KCNQ1OT1: variants seen among roughly 807,000 people sequenced by gnomAD.
The protein encoded by KCNQ1OT1 is KCNQ1 antisense RNA 2 (non-protein coding).
At chr11:2,637,470 C>G (rs1849491887) in exon 1 of KCNQ1OT1, 1 of 152,212 alleles carries the variant, frequency 6.6e-6, no homozygotes, top group Non-Finnish European at 1.5e-5. Context: ...GCAGGTGGTT[C>G]AGTTTCCATG....
chr11:2,684,431 C>A (rs970501673), exon 1 of KCNQ1OT1: 33 of 398,554 alleles, frequency 8.3e-5, no homozygotes, highest in African/African-American at 6.0e-4. Context: ...CCACCTCTTT[C>A]ATTTGAAAAC....
At chr11:2,665,533 C>T (rs1380345566) in exon 1 of KCNQ1OT1, 2 of 393,796 alleles carry the variant, frequency 5.1e-6, no homozygotes, top group Non-Finnish European at 8.9e-6. Context: ...TCTAGAATGC[C>T]CTTGTCACCC....
chr11:2,655,861 A>G, exon 1 of KCNQ1OT1: 1 of 398,528 alleles, frequency 2.5e-6, no homozygotes, highest in Non-Finnish European at 4.4e-6. Flanking sequence ...TGGAAAAACA[A>G]ATCTGTGGAG....
At chr11:2,665,919 C>A in exon 1 of KCNQ1OT1, 1 of 398,630 alleles carries the variant, frequency 2.5e-6, no homozygotes, top group East Asian at 3.6e-5. Flanking sequence ...CCAAGCAACC[C>A]TGGGAGGCTG....
At position 2,642,473 on chromosome 11, in the gene KCNQ1OT1, G is replaced by C; in HGVS notation, n.57522C>G. 2.5e-6 allele frequency: 1 copy of C among 397,946 alleles called. No individual in the cohort carries two copies. The highest frequency in any genetic ancestry group is 4.4e-6 in the Non-Finnish European group (1 of 225,728). The allele number at this position is 397,946 out of a possible 1,614,324, so 24.7% of individuals were successfully genotyped here. A position where few individuals can be genotyped will look rare whatever the true frequency, so the allele number is the denominator to read the frequency against. On this transcript the variant is annotated non_coding_transcript_exon_variant, in exon 1 of 1. Coordinates refer to ENST00000597346, the Ensembl canonical transcript of KCNQ1OT1. The surrounding 1 kb of genome is among the most constrained non-coding windows in gnomAD (Gnocchi z 4.3). ...GTAACTGTAATCAATTTATTGATCA[G>C]ACTGAAGAGTTTTGATTTTTGTATT...
At position 2,669,836 on chromosome 11, in the gene KCNQ1OT1, C is replaced by A; in HGVS notation, n.30159G>T. 2.5e-6 allele frequency: 1 copy of A among 398,546 alleles called. No homozygotes were observed. Among genetic ancestry groups the A allele is most frequent in the Non-Finnish European group, 4.4e-6 (1 of 226,088 alleles). The allele number at this position is 398,546 out of a possible 1,614,324, so 24.7% of individuals were successfully genotyped here. ...TTGAGACTGCCAGGTCATGAGTTAC[C>A]ATGGGATACAAATGGGGTCACAACA... On this transcript the variant is annotated non_coding_transcript_exon_variant, in exon 1 of 1. Coordinates refer to ENST00000597346, the Ensembl canonical transcript of KCNQ1OT1. This position sits in a 1 kb window ranked among gnomAD's most constrained non-coding sequence, Gnocchi z 5.6.
At chr11:2,672,484 C>G in exon 1 of KCNQ1OT1, 1 of 398,664 alleles carries the variant, frequency 2.5e-6, no homozygotes, top group Non-Finnish European at 4.4e-6. Context: ...TCCCCACATT[C>G]CATGGCAGTG....
rs1850342603 is a variant in KCNQ1OT1 at position 2,679,034 on chromosome 11, AG to A, written n.20960del. The A allele has an allele frequency of 5.0e-6, 2 of 398,574 alleles. No individual in the cohort carries two copies. The allele number at this position is 398,574 out of a possible 1,614,324, so 24.7% of individuals were successfully genotyped here. On this transcript the variant is annotated non_coding_transcript_exon_variant, in exon 1 of 1. Transcript: ENST00000597346. The surrounding 1 kb of genome is among the most constrained non-coding windows in gnomAD (Gnocchi z 4.8). ...AAACATAATCTAAAACTTGTAGCCC[AG>A]CCCCTCCTCCATACCAACCACCAAA...
chr11:2,684,832 C>T, exon 1 of KCNQ1OT1: 1 of 398,632 alleles, frequency 2.5e-6, no homozygotes, highest in Non-Finnish European at 4.4e-6. Context: ...CTAGTCAAGG[C>T]CTCCTGTTAT....
chr11:2,679,937 A>C lies in KCNQ1OT1; in HGVS notation n.20058T>G. On this transcript the variant is annotated non_coding_transcript_exon_variant, in exon 1 of 1. Coordinates refer to ENST00000597346, the Ensembl canonical transcript of KCNQ1OT1. This position sits in a 1 kb window ranked among gnomAD's most constrained non-coding sequence, Gnocchi z 4.8. ...GAGGCAGAGTCTCACTTTGTCACCT[A>C]GGCGGGAATGCAGTGGCACAGTCTC... The C allele has an allele frequency of 2.5e-6, 1 of 397,440 alleles. No homozygotes were observed. Among genetic ancestry groups the C allele is most frequent in the Non-Finnish European group, 4.4e-6 (1 of 225,958 alleles). The allele number at this position is 397,440 out of a possible 1,614,324, so 24.6% of individuals were successfully genotyped here.
At chr11:2,628,632 TTTTG>T in exon 1 of KCNQ1OT1, 2 of 398,440 alleles carry the variant, frequency 5.0e-6, no homozygotes. Context: ...GCAGACACTT[TTTTG>T]TTTGATGTAG....
exon 1 of KCNQ1OT1, chr11:2,634,777 CT>C (rs1379941930): frequency 6.6e-6 from 1 of 152,192 alleles, no homozygotes; most frequent in Non-Finnish European, 1.5e-5. Flanking sequence ...AATGGTTGAA[CT>C]AGTTTACAGT....
At chr11:2,609,317 A>G (rs1241081142) in exon 1 of KCNQ1OT1, 5 of 398,194 alleles carry the variant, frequency 1.3e-5, no homozygotes, top group South Asian at 1.3e-4. Context: ...TAATTTCCAC[A>G]TGTGTATGTT....
chr11:2,637,085 G>A (rs535801539), exon 1 of KCNQ1OT1: 1 of 151,692 alleles, frequency 6.6e-6, no homozygotes, highest in South Asian at 2.1e-4. Flanking sequence ...TTCTTTATTA[G>A]TCTTGCTAGA....
Position 2,695,536 on chromosome 11 carries a change from C to T in KCNQ1OT1, n.4459G>A. 1 of 398,688 alleles carries T rather than the reference C, an allele frequency of 2.5e-6. No homozygotes were observed. Among genetic ancestry groups the T allele is most frequent in the Non-Finnish European group, 4.4e-6 (1 of 226,132 alleles). The allele number at this position is 398,688 out of a possible 1,614,324, so 24.7% of individuals were successfully genotyped here. On this transcript the variant is annotated non_coding_transcript_exon_variant, in exon 1 of 1. Coordinates refer to ENST00000597346, the Ensembl canonical transcript of KCNQ1OT1. This position sits in a 1 kb window ranked among gnomAD's most constrained non-coding sequence, Gnocchi z 5.2. Reference sequence around the variant, plus strand: ...ACCACAGTGACCAGCTCCAACTGCCCACCCCTATGGGCCATGCTGCCCTGA... The same window carrying T: ...ACCACAGTGACCAGCTCCAACTGCCTACCCCTATGGGCCATGCTGCCCTGA...
chr11:2,654,844 G>T lies in KCNQ1OT1; in HGVS notation n.45151C>A. On this transcript the variant is annotated non_coding_transcript_exon_variant, in exon 1 of 1. Transcript: ENST00000597346. This position sits in a 1 kb window ranked among gnomAD's most constrained non-coding sequence, Gnocchi z 6.4. ...TAGGAGAGCTCTATGTAGCCTCATGGGCAGCTCCAGGCCAGGTGGAGGGAC... is the reference window on the plus strand; with the variant it reads ...TAGGAGAGCTCTATGTAGCCTCATGTGCAGCTCCAGGCCAGGTGGAGGGAC... The T allele has an allele frequency of 2.5e-6, 1 of 398,578 alleles. No homozygotes were observed. Among genetic ancestry groups the T allele is most frequent in the South Asian group, 1.3e-4 (1 of 7,834 alleles). The allele number at this position is 398,578 out of a possible 1,614,324, so 24.7% of individuals were successfully genotyped here.
rs1423182140 is a variant in KCNQ1OT1, at chr11:2,657,046, G to A, written n.42949C>T. 10 of 398,512 alleles carry A rather than the reference G, an allele frequency of 2.5e-5. No homozygotes were observed. In the South Asian group the frequency reaches 1.3e-3, roughly 51 times the overall value. The allele number at this position is 398,512 out of a possible 1,614,324, so 24.7% of individuals were successfully genotyped here. ...GCAAGCTTCCATATTTGTGTGGGCT[G>A]TTTCCCAATGCTCAATCCTGTCCCA... is the stretch of plus-strand genomic sequence containing the variant. On this transcript the variant is annotated non_coding_transcript_exon_variant, in exon 1 of 1. Transcript: ENST00000597346. This position sits in a 1 kb window ranked among gnomAD's most constrained non-coding sequence, Gnocchi z 4.8.
chr11:2,670,913 C>G lies in KCNQ1OT1; in HGVS notation n.29082G>C. The G allele has an allele frequency of 2.5e-6, 1 of 398,686 alleles. No homozygotes were observed. The highest frequency in any genetic ancestry group is 4.4e-5 in the Admixed American group (1 of 22,738). 24.7% of individuals were successfully genotyped at this position (398,686 alleles called of 1,614,324 possible). A position where few individuals can be genotyped will look rare whatever the true frequency, so the allele number is the denominator to read the frequency against. On this transcript the variant is annotated non_coding_transcript_exon_variant, in exon 1 of 1. Coordinates refer to ENST00000597346, the Ensembl canonical transcript of KCNQ1OT1. The surrounding 1 kb of genome is among the most constrained non-coding windows in gnomAD (Gnocchi z 4.9). ...ATTGCCTGGACAAGGCTGACCTGCC[C>G]TCCCAGGATGCAAATTGGCAGGCCC...
exon 1 of KCNQ1OT1, chr11:2,615,226 G>T: frequency 5.0e-6 from 2 of 398,060 alleles, no homozygotes; most frequent in South Asian, 1.3e-4. Context: ...AGGCACAAAT[G>T]ATTTTCTTAA....
Sources: gnomAD v4.1 joint callset for allele counts on GRCh38, gnomAD v4.1.1 for gene constraint, Gnocchi (gnomAD v3.1) non-coding constraint, MANE v1.5 for transcripts, NCBI Gene and HGNC (gene_info 2026-07-23, HGNC 2026-07-21) for gene names.